Variants in UBASH3B observed in about 807,000 individuals in gnomAD.
UBASH3B encodes ubiquitin associated and SH3 domain containing B, also known as ubiquitin-associated and SH3 domain-containing protein B.
A neutral mutation model predicts 83.4 loss-of-function variants in UBASH3B; 37 were observed. The ratio of observed to expected loss-of-function variants is 0.44; its 90% CI spans 0.34 to 0.58. The LOEUF is 0.58. Ranked by LOEUF, UBASH3B falls within the 20% of genes least tolerant of loss-of-function variation. The pLI is 0.01. For missense variants in UBASH3B, 657 were observed against 827.2 expected (o/e 0.79, Z 2.52); for synonymous variants, 304 against 318.3 (o/e 0.96, Z 0.48).
intron 1 of UBASH3B, among the ~76,000 whole-genome samples, chr11:122,683,250 A>G (rs1007698028): frequency 6.6e-6 from 1 of 151,752 alleles, no homozygotes; most frequent in Non-Finnish European, 1.5e-5. Flanking sequence ...AAAAAAAAAA[A>G]AAAAAAGTCT....
At chr11:122,691,547 C>T (rs1863898230) in intron 1 of UBASH3B, among the ~76,000 whole-genome samples, 1 of 152,202 alleles carries the variant, frequency 6.6e-6, no homozygotes, top group African/African-American at 2.4e-5. Context: ...CACCGGGGTG[C>T]TGCTGGACTC....
At chr11:122,786,967 G>A (rs1357735636) in intron 5 of UBASH3B, among the ~76,000 whole-genome samples, 1 of 152,134 alleles carries the variant, frequency 6.6e-6, no homozygotes, top group African/African-American at 2.4e-5. Flanking sequence ...ATAACCTAGA[G>A]ATAGAATGAA....
At chr11:122,656,625 T>C (rs575031144) in intron 1 of UBASH3B, among the ~76,000 whole-genome samples, 43 of 152,298 alleles carry the variant, frequency 2.8e-4, no homozygotes, top group African/African-American at 9.6e-4. Flanking sequence ...TGGGCTGGTC[T>C]GGGATCCTCC....
intron 1 of UBASH3B, among the ~76,000 whole-genome samples, chr11:122,730,141 T>C (rs938359677): frequency 7.9e-5 from 12 of 152,006 alleles, no homozygotes; most frequent in South Asian, 4.2e-4. Flanking sequence ...CAAAAATTAG[T>C]TGGGCATGAT....
intron 5 of UBASH3B, among the ~76,000 whole-genome samples, chr11:122,786,026 G>T (rs77162728): frequency 6.6e-6 from 1 of 151,968 alleles, no homozygotes; most frequent in Non-Finnish European, 1.5e-5. Context: ...GATTCAAGAG[G>T]TTTTTTGTTT....
At chr11:122,771,977 C>T (rs1427372369) in intron 1 of UBASH3B, among the ~76,000 whole-genome samples, 3 of 152,198 alleles carry the variant, frequency 2.0e-5, no homozygotes, top group Admixed American at 2.0e-4. Context: ...GCTAAAACTG[C>T]AGCTTCACCA....
chr11:122,725,560 C>T (rs1860723842), intron 1 of UBASH3B, among the ~76,000 whole-genome samples: 1 of 35,136 alleles, frequency 2.8e-5, no homozygotes, highest in South Asian at 7.2e-4. Context: ...GGTGCAGTAG[C>T]GACATTATAC....
At chr11:122,679,692 A>C (rs996576587) in intron 1 of UBASH3B, among the ~76,000 whole-genome samples, 1 of 152,250 alleles carries the variant, frequency 6.6e-6, no homozygotes, top group African/African-American at 2.4e-5. Flanking sequence ...CTGTTTTGCA[A>C]TAGCAGACAT....
At chr11:122,794,872 C>T in intron 7 of UBASH3B, 38 bp downstream of exon 7, 1 of 1,610,184 alleles carries the variant, frequency 6.2e-7, no homozygotes, top group South Asian at 1.1e-5. Context: ...CCAACTCTAA[C>T]CAGGATTCAC....
intron 2 of UBASH3B, 44 bp downstream of exon 2, chr11:122,776,316 C>T: frequency 6.4e-7 from 1 of 1,560,842 alleles, no homozygotes; most frequent in African/African-American, 1.4e-5. Flanking sequence ...ATATAATTAA[C>T]TCAAAGTGCA....
At chr11:122,716,152 C>T (rs892519958) in intron 1 of UBASH3B, among the ~76,000 whole-genome samples, 3 of 152,058 alleles carry the variant, frequency 2.0e-5, no homozygotes, top group African/African-American at 4.8e-5. Context: ...GTGAGAACTG[C>T]GAGAGGAAGG....
chr11:122,665,850 C>G (rs1254635813), intron 1 of UBASH3B, among the ~76,000 whole-genome samples: 1 of 152,198 alleles, frequency 6.6e-6, no homozygotes, highest in Non-Finnish European at 1.5e-5. Flanking sequence ...GAGCCCAGCA[C>G]CTGAGGCAAA....
chr11:122,741,024 T>A (rs928502780), intron 1 of UBASH3B, among the ~76,000 whole-genome samples: 4 of 152,228 alleles, frequency 2.6e-5, no homozygotes, highest in Admixed American at 6.5e-5. Flanking sequence ...CATATTAACA[T>A]ATAAATGAAT....
At chr11:122,794,488 C>T (rs1861118261) in intron 6 of UBASH3B, among the ~76,000 whole-genome samples, 1 of 152,126 alleles carries the variant, frequency 6.6e-6, no homozygotes, top group Admixed American at 6.6e-5. Flanking sequence ...GTGATCACCA[C>T]ACCCGGCCTA....
intron 1 of UBASH3B, among the ~76,000 whole-genome samples, chr11:122,690,407 T>A (rs569443594): frequency 1.1e-3 from 159 of 151,304 alleles, no homozygotes; most frequent in Middle Eastern, 3.4e-3. Context: ...GTAGCTACTA[T>A]TCTGAGCTTA....
intron 5 of UBASH3B, among the ~76,000 whole-genome samples, chr11:122,783,614 A>C (rs1003521265): frequency 6.6e-6 from 1 of 152,190 alleles, no homozygotes; most frequent in African/African-American, 2.4e-5. Flanking sequence ...ATAAATACCA[A>C]AGAAAACAAA....
intron 1 of UBASH3B, among the ~76,000 whole-genome samples, chr11:122,715,400 C>T (rs915195470): frequency 6.6e-5 from 10 of 152,226 alleles, no homozygotes; most frequent in Non-Finnish European, 8.8e-5. Flanking sequence ...ACAGTTGTAG[C>T]GCTGCTGTCA....
At chr11:122,768,785 G>A (rs1314144535) in intron 1 of UBASH3B, among the ~76,000 whole-genome samples, 1 of 152,156 alleles carries the variant, frequency 6.6e-6, no homozygotes, top group Non-Finnish European at 1.5e-5. Context: ...GATTACAGGT[G>A]TGAGCCACCG....
intron 1 of UBASH3B, among the ~76,000 whole-genome samples, chr11:122,752,382 T>G (rs1294819729): frequency 6.6e-6 from 1 of 152,084 alleles, no homozygotes; most frequent in Admixed American, 6.5e-5. Flanking sequence ...TTAAGAATGA[T>G]AGGGTTATAG....
Sources: gnomAD v4.1 joint callset for allele counts (sites outside exome capture counted in the v4.1 genomes callset) on GRCh38, gnomAD v4.1.1 for gene constraint, MANE v1.5 for transcripts, NCBI Gene and HGNC (gene_info 2026-07-23, HGNC 2026-07-21) for gene names.